The following SMARCC1 variants were observed in gnomAD, a reference collection of about 807,000 sequenced individuals.
SMARCC1 encodes the protein SWI/SNF related BAF chromatin remodeling complex subunit C1, also known as SWI/SNF complex subunit SMARCC1.
SMARCC1 carries 43 observed loss-of-function variants against 147.4 expected under a neutral mutation model. The ratio of observed to expected loss-of-function variants is 0.29; its 90% confidence interval spans 0.23 to 0.38. SMARCC1 has a LOEUF of 0.38. Among genes scored for constraint, SMARCC1 ranks in the 10% least tolerant of loss-of-function variants. The pLI, the probability that SMARCC1 is intolerant of heterozygous loss-of-function variation, is 1.00. For synonymous variants in SMARCC1, 495 were observed against 484.4 expected, an observed-to-expected ratio of 1.02 and a Z score of -0.29; for missense variants, 1,119 against 1,381.1, an observed-to-expected ratio of 0.81 and a Z score of 3.01.
intron 4 of SMARCC1, among the ~76,000 whole-genome samples, chr3:47,736,884 C>T (rs2034450451): frequency 6.6e-6 from 1 of 152,036 alleles, no homozygotes; most frequent in Non-Finnish European, 1.5e-5. Context: ...TTTTTGCCAG[C>T]TACCTCTCCC....
chr3:47,695,621 G>T (rs1003491534), intron 11 of SMARCC1, among the ~76,000 whole-genome samples: 7 of 151,522 alleles, frequency 4.6e-5, no homozygotes, highest in Non-Finnish European at 8.8e-5. Context: ...ACAAAAATTA[G>T]TAGGGCATGG....
At chr3:47,708,090 T>C (rs28519459) in intron 9 of SMARCC1, among the ~76,000 whole-genome samples, 366 of 57,706 alleles carry the variant, frequency 6.3e-3, no homozygotes, top group South Asian at 0.024. Flanking sequence ...TTTCTTTTTT[T>C]TTTTTTTTTT....
At chr3:47,625,499 T>A (rs1361140710) in intron 24 of SMARCC1, among the ~76,000 whole-genome samples, 1 of 152,120 alleles carries the variant, frequency 6.6e-6, no homozygotes, top group Non-Finnish European at 1.5e-5. Context: ...CCTCCCCAAG[T>A]GCTGGGATTA....
chr3:47,715,883 C>T (rs1316264021), intron 7 of SMARCC1, among the ~76,000 whole-genome samples: 1 of 152,120 alleles, frequency 6.6e-6, no homozygotes, highest in African/African-American at 2.4e-5. Context: ...ATCCATATAG[C>T]TTACTCTCTT....
intron 25 of SMARCC1, among the ~76,000 whole-genome samples, chr3:47,619,819 T>C (rs1043022227): frequency 1.3e-5 from 2 of 152,204 alleles, no homozygotes; most frequent in Non-Finnish European, 2.9e-5. Context: ...GGAGAGCTAC[T>C]GAAGCAGCCT....
chr3:47,745,930 T>A lies in SMARCC1; in HGVS notation c.379A>T (p.Lys127Ter), dbSNP rs531518759. The change falls in exon 3 of 28, where the codon AAG becomes TAG. Residue 127 changes from lysine (K) to a stop codon, truncating the protein, a stop_gained. Coordinates refer to ENST00000254480, the MANE Select transcript of SMARCC1 (RefSeq NM_003074.4). LOFTEE classifies it high-confidence loss of function. Reference sequence around the variant, plus strand: ...TACCATCCCTGTTCATTTTTATACTTGTAAGCAGCCCCAAGAATGTGACAT... The same window carrying A: ...TACCATCCCTGTTCATTTTTATACTAGTAAGCAGCCCCAAGAATGTGACAT... ...ALCHILGAAY[K>*]YKNEQGWRRF... is the part of the protein sequence containing the mutation. 6.3e-7 allele frequency: 1 copy of A among 1,580,846 alleles called. No individual in the cohort carries two copies. The highest frequency in any genetic ancestry group is 8.6e-7 in the Non-Finnish European group (1 of 1,169,248).
At chr3:47,696,793 G>C (rs778035954) in intron 11 of SMARCC1, among the ~76,000 whole-genome samples, 2 of 152,108 alleles carry the variant, frequency 1.3e-5, no homozygotes, top group Non-Finnish European at 2.9e-5. Flanking sequence ...AAAGTGGTGG[G>C]ATTACAGGCA....
At chr3:47,623,555 T>C (rs1433797444) in intron 24 of SMARCC1, among the ~76,000 whole-genome samples, 1 of 152,202 alleles carries the variant, frequency 6.6e-6, no homozygotes, top group Non-Finnish European at 1.5e-5. Flanking sequence ...AATGAGGTTT[T>C]ATAGCTATTA....
At chr3:47,722,363 T>A (rs1480685381) in intron 6 of SMARCC1, among the ~76,000 whole-genome samples, 2 of 146,928 alleles carry the variant, frequency 1.4e-5, no homozygotes, top group African/African-American at 5.0e-5. Flanking sequence ...AATGGTGCGA[T>A]CTCGGCTCAC....
intron 1 of SMARCC1, among the ~76,000 whole-genome samples, chr3:47,773,890 C>G (rs969390229): frequency 6.6e-6 from 1 of 152,104 alleles, no homozygotes; most frequent in African/African-American, 2.4e-5. Context: ...CTTCGGCCAC[C>G]CAAAGCGCTA....
intron 26 of SMARCC1, among the ~76,000 whole-genome samples, chr3:47,600,919 A>G (rs549378065): frequency 5.3e-5 from 8 of 151,680 alleles, no homozygotes; most frequent in African/African-American, 1.9e-4. Flanking sequence ...CTTAGCAAAC[A>G]AAGTAAAGGA....
intron 3 of SMARCC1, among the ~76,000 whole-genome samples, chr3:47,740,245 G>C (rs1373677410): frequency 7.5e-6 from 1 of 133,058 alleles, no homozygotes; most frequent in Non-Finnish European, 1.6e-5. Flanking sequence ...GTCCAGACTG[G>C]AGTGCAATGG....
intron 25 of SMARCC1, chr3:47,610,730 T>C (rs2032552994): frequency 4.6e-6 from 1 of 216,196 alleles, no homozygotes; most frequent in South Asian, 8.3e-5. Context: ...GTTCCTCAGA[T>C]GTTAACATTT....
At chr3:47,720,608 A>C in intron 7 of SMARCC1, 58 bp downstream of exon 7, 2 of 1,115,704 alleles carry the variant, frequency 1.8e-6, no homozygotes, top group Non-Finnish European at 2.7e-6. Flanking sequence ...ACTATAAATA[A>C]ATGTGCCTTC....
intron 2 of SMARCC1, among the ~76,000 whole-genome samples, chr3:47,747,824 A>T (rs2106843444): frequency 6.6e-6 from 1 of 151,692 alleles, no homozygotes; most frequent in Middle Eastern, 3.4e-3. Context: ...AAATATAAGG[A>T]TAGTGGACTT....
chr3:47,755,415 T>C (rs1328978729), intron 2 of SMARCC1, among the ~76,000 whole-genome samples: 1 of 145,016 alleles, frequency 6.9e-6, no homozygotes, highest in Non-Finnish European at 1.5e-5. Context: ...GAGAATGGCG[T>C]GAACCCGGGA....
chr3:47,675,501 T>C lies in SMARCC1; in HGVS notation c.1813A>G (p.Ile605Val). ...DLQNFGLRTD[I>V]YSKKTLAKSK... is the part of the protein sequence containing the mutation. ...TTTGCTAATGTTTTCTTGGAGTAAA[T>C]GTCAGTACGGAGACCAAAGTTCTGC... Residue 605 changes from isoleucine (I) to valine (V), a missense_variant, in exon 18 of 28, where the codon ATT (isoleucine) becomes GTT (valine). By Grantham distance (29) the Ile-to-Val change is conservative. This residue lies in a region of SMARCC1 where 178 missense variants were observed against 264.6 expected (regional missense o/e 0.67). Coordinates refer to ENST00000254480, the MANE Select transcript of SMARCC1 (RefSeq NM_003074.4). 2 of 1,605,046 alleles carry C rather than the reference T, an allele frequency of 1.2e-6. No homozygotes were observed. The highest frequency in any genetic ancestry group is 1.3e-5 in the African/African-American group (1 of 74,832).
intron 22 of SMARCC1, among the ~76,000 whole-genome samples, chr3:47,637,499 G>A (rs548495439): frequency 9.4e-4 from 143 of 152,250 alleles, no homozygotes; most frequent in African/African-American, 3.3e-3. Context: ...ATCACCTGAG[G>A]TCAGGAGTTC....
chr3:47,604,050 C>T (rs1422805188), intron 26 of SMARCC1: 1 of 456,724 alleles, frequency 2.2e-6, no homozygotes. Flanking sequence ...GGGGACAGGG[C>T]AGAGGGGCTG....
Sources: gnomAD v4.1 joint callset for allele counts (sites outside exome capture counted in the v4.1 genomes callset) on GRCh38, gnomAD v4.1.1 for gene constraint, gnomAD v4.1.1 regional missense constraint, MANE v1.5 for transcripts, NCBI Gene and HGNC (gene_info 2026-07-23, HGNC 2026-07-21) for gene names.